LRRC8A: variants seen among roughly 807,000 people sequenced by gnomAD.
LRRC8A encodes the protein volume-regulated anion channel subunit LRRC8A.
In LRRC8A, 24 loss-of-function variants were observed where a neutral mutation model predicts 52.5. That is an observed-to-expected ratio of 0.46 (90% CI 0.33 to 0.64). The LOEUF is 0.64. Among genes scored for constraint, LRRC8A ranks in the 30% least tolerant of loss-of-function variants. The probability of loss-of-function intolerance (pLI) is 0.02; values close to 1 mark genes in which losing one functional copy is unlikely to be tolerated. For synonymous variants in LRRC8A, 492 were observed against 494.2 expected, an observed-to-expected ratio of 1.00 and a Z score of 0.06; for missense variants, 677 against 1,094.7, an observed-to-expected ratio of 0.62 and a Z score of 5.38.
At chr9:128,912,345 C>T (rs895482141) in intron 3 of LRRC8A, among the ~76,000 whole-genome samples, 6 of 152,150 alleles carry the variant, frequency 3.9e-5, no homozygotes, top group Admixed American at 3.9e-4. Context: ...TCTGCTGGAG[C>T]ACCAGGTCCC....
chr9:128,916,034 G>T lies in LRRC8A; in HGVS notation c.2158-62G>T. On this transcript the variant is annotated intron_variant, in intron 3 of 3. Coordinates refer to ENST00000372600, the MANE Select transcript of LRRC8A (RefSeq NM_019594.4). The surrounding 1 kb of genome is among the most constrained non-coding windows in gnomAD (Gnocchi z 6.1). The stretch of plus-strand genomic sequence containing the variant: ...GATCTTGGGGAGAGAGGGAAGGGAA[G>T]CCCAGAGGCCCCGTCCAAGCCCACA... 6.5e-7 allele frequency: 1 copy of T among 1,527,432 alleles called. No homozygotes were observed. The allele number at this position is 1,527,432 out of a possible 1,614,324, so 94.6% of individuals were successfully genotyped here.
rs544896508 is a variant in LRRC8A, at chr9:128,891,976, A to G, written c.-9+5855A>G. Among the ~76,000 whole-genome samples, 9 of 152,282 alleles carry G rather than the reference A, an allele frequency of 5.9e-5. No individual in the cohort carries two copies. In the South Asian group the frequency reaches 1.7e-3, roughly 28 times the overall value. On this transcript the variant is annotated intron_variant, in intron 2 of 3. Coordinates refer to ENST00000372600, the MANE Select transcript of LRRC8A (RefSeq NM_019594.4). ...GACTGATTTAAACTCTACCATAATAATAACAGCAGTGAACGTTCCAGAGCC... is the reference window on the plus strand; with the variant it reads ...GACTGATTTAAACTCTACCATAATAGTAACAGCAGTGAACGTTCCAGAGCC...
chr9:128,893,971 C>A (rs181918479), intron 2 of LRRC8A, among the ~76,000 whole-genome samples: 17 of 151,962 alleles, frequency 1.1e-4, no homozygotes, highest in Admixed American at 9.2e-4. Flanking sequence ...CTGCGCCTCC[C>A]GGGTTCAAGT....
intron 2 of LRRC8A, among the ~76,000 whole-genome samples, chr9:128,890,808 T>G (rs1252389130): frequency 1.3e-5 from 2 of 152,152 alleles, no homozygotes; most frequent in Non-Finnish European, 2.9e-5. Context: ...TCATAACAGG[T>G]TAAGACCTGT....
rs1160345836 is a variant in LRRC8A at position 128,907,981 on chromosome 9, A to G, written c.817A>G (p.Ile273Val). ...CATGCGGCAGACCATCATCAAGGTG[A>G]TCAAGTTCATCCTCATCATCTGCTA... Reference protein sequence around the residue: ...LYMRQTIIKVIKFILIICYTV... With the variant: ...LYMRQTIIKVVKFILIICYTV... The change falls in exon 3 of 4, where the codon ATC becomes GTC. Residue 273 changes from isoleucine (I) to valine (V), a missense_variant. Ile to Val is a conservative substitution (Grantham distance 29, BLOSUM62 3). Around this residue, in one of 4 missense-constraint regions of LRRC8A, gnomAD observed 422 missense variants for 741.5 expected, o/e 0.57. Coordinates refer to ENST00000372600, the MANE Select transcript of LRRC8A (RefSeq NM_019594.4). The surrounding 1 kb of genome is among the most constrained non-coding windows in gnomAD (Gnocchi z 9.3). 6.2e-7 allele frequency: 1 copy of G among 1,614,114 alleles called. No individual in the cohort carries two copies. The highest frequency in any genetic ancestry group is 8.5e-7 in the Non-Finnish European group (1 of 1,180,032).
intron 2 of LRRC8A, among the ~76,000 whole-genome samples, chr9:128,894,190 G>A (rs548787766): frequency 6.6e-6 from 1 of 151,710 alleles, no homozygotes; most frequent in African/African-American, 2.4e-5. Context: ...CATCATTCTT[G>A]TTTTAAAAAA....
At chr9:128,883,551 A>G (rs919961240) in intron 1 of LRRC8A, among the ~76,000 whole-genome samples, 1 of 152,206 alleles carries the variant, frequency 6.6e-6, no homozygotes, top group African/African-American at 2.4e-5. Flanking sequence ...CCTGTGCTGG[A>G]GGAGGCTGTT....
At position 128,911,496 on chromosome 9, in the gene LRRC8A, G is replaced by A. The variant is rs1840526280; in HGVS notation, c.2157+2175G>A. Among the ~76,000 whole-genome samples the A allele has an allele frequency of 1.3e-5, 2 of 152,162 alleles. No individual in the cohort carries two copies. The highest frequency in any genetic ancestry group is 4.8e-5 in the African/African-American group (2 of 41,440). On this transcript the variant is annotated intron_variant, in intron 3 of 3. Coordinates refer to ENST00000372600, the MANE Select transcript of LRRC8A (RefSeq NM_019594.4). The surrounding 1 kb of genome is among the most constrained non-coding windows in gnomAD (Gnocchi z 4.9). ...TTTAATCTGTGGAGGGGGAGACCCT[G>A]TGGCTTCCCCATAGCACAGTGCTGC...
chr9:128,893,471 C>T (rs1456115573), intron 2 of LRRC8A, among the ~76,000 whole-genome samples: 2 of 152,164 alleles, frequency 1.3e-5, no homozygotes, highest in African/African-American at 4.8e-5. Flanking sequence ...CAGTTGAGGA[C>T]ACAGAGGCTC....
In LRRC8A at chr9:128,907,931, A is replaced by C. The variant is rs1840320329; in HGVS notation, c.767A>C (p.Glu256Ala). 6.2e-7 allele frequency: 1 copy of C among 1,613,882 alleles called. No homozygotes were observed. The highest frequency in any genetic ancestry group is 1.3e-5 in the African/African-American group (1 of 74,844). Residue 256 changes from glutamate (E) to alanine (A), a missense_variant, in exon 3 of 4, where the codon GAG becomes GCG. Glu to Ala is a moderately radical substitution (Grantham distance 107). This residue lies in a region of LRRC8A where 422 missense variants were observed against 741.5 expected (regional missense o/e 0.57). Coordinates refer to ENST00000372600, the MANE Select transcript of LRRC8A (RefSeq NM_019594.4). This position sits in a 1 kb window ranked among gnomAD's most constrained non-coding sequence, Gnocchi z 9.3. ...AAGAAGTTCCGGACCCATGTGGAGGAGGGGGACATTGTGTACCGCCTCTAC... is the reference window on the plus strand; with the variant it reads ...AAGAAGTTCCGGACCCATGTGGAGGCGGGGGACATTGTGTACCGCCTCTAC... Reference protein sequence around the residue: ...KVKKFRTHVEEGDIVYRLYMR... With the variant: ...KVKKFRTHVEAGDIVYRLYMR...
chr9:128,887,773 C>G (rs1335423390), intron 2 of LRRC8A, among the ~76,000 whole-genome samples: 1 of 152,232 alleles, frequency 6.6e-6, no homozygotes, highest in South Asian at 2.1e-4. Flanking sequence ...TCCCGAGTAG[C>G]TGGGACTACA....
At chr9:128,913,494 C>T (rs923221287) in intron 3 of LRRC8A, among the ~76,000 whole-genome samples, 1 of 152,132 alleles carries the variant, frequency 6.6e-6, no homozygotes, top group Admixed American at 6.5e-5. Context: ...AGAGAAGGAT[C>T]GGTCCAGAGG....
chr9:128,884,257 G>A (rs553560617), intron 1 of LRRC8A, among the ~76,000 whole-genome samples: 1 of 152,250 alleles, frequency 6.6e-6, no homozygotes, highest in East Asian at 1.9e-4. Context: ...TGACTGCCTC[G>A]TCTTAGAGTA....
At chr9:128,904,695 A>C (rs1564525328) in intron 2 of LRRC8A, among the ~76,000 whole-genome samples, 1 of 152,052 alleles carries the variant, frequency 6.6e-6, no homozygotes, top group Admixed American at 6.6e-5. Flanking sequence ...AAAAAATTTT[A>C]AAAATTAGCC....
At chr9:128,903,919 T>G (rs184064419) in intron 2 of LRRC8A, among the ~76,000 whole-genome samples, 1 of 151,992 alleles carries the variant, frequency 6.6e-6, no homozygotes, top group Non-Finnish European at 1.5e-5. Flanking sequence ...TCCCAGCCAC[T>G]TGGGAGATTG....
intron 2 of LRRC8A, among the ~76,000 whole-genome samples, chr9:128,901,046 G>A (rs904153579): frequency 2.6e-5 from 4 of 152,140 alleles, no homozygotes; most frequent in South Asian, 2.1e-4. Flanking sequence ...GGTGGTGCAC[G>A]CCTGTAATCC....
intron 2 of LRRC8A, among the ~76,000 whole-genome samples, chr9:128,898,741 A>G (rs758617733): frequency 1.3e-5 from 2 of 152,228 alleles, no homozygotes; most frequent in Non-Finnish European, 2.9e-5. Flanking sequence ...CCAACATCAC[A>G]AGTAGCAGAG....
Position 128,908,463 on chromosome 9 carries a change from C to T in LRRC8A, c.1299C>T (p.Phe433=). ...NAQDKLELHL[F]MLSGIPDTVF... ...AGGACAAGCTGGAGCTGCACCTGTT[C>T]ATGCTCAGTGGCATCCCTGACACTG... is the stretch of plus-strand genomic sequence containing the variant. Residue 433 remains phenylalanine, a synonymous_variant, in exon 3 of 4, where the codon TTC becomes TTT. Transcript: ENST00000372600. 1 of 1,613,228 alleles carries T rather than the reference C, an allele frequency of 6.2e-7. No homozygotes were observed. The highest frequency in any genetic ancestry group is 1.7e-5 in the Admixed American group (1 of 60,006).
In LRRC8A at chr9:128,909,282, C is replaced by G. The variant is rs35266233; in HGVS notation, c.2118C>G (p.Leu706=). Residue 706 remains leucine (L), a synonymous_variant, in exon 3 of 4, where the codon CTC becomes CTG. Coordinates refer to ENST00000372600, the MANE Select transcript of LRRC8A (RefSeq NM_019594.4). The part of the protein sequence containing the change: ...NLTFLPADIG[L]LQNLQNLAIT... ...CCTTCCTCCCTGCCGACATCGGCCT[C>G]CTGCAGAACCTCCAGAACCTAGCCA... 0.019 allele frequency: 30,013 copies of G among 1,613,838 alleles called. 354 individuals are homozygous for G. The highest frequency in any genetic ancestry group is 0.021 in the Non-Finnish European group (25,367 of 1,180,036).
Sources: gnomAD v4.1 joint callset for allele counts (sites outside exome capture counted in the v4.1 genomes callset) on GRCh38, gnomAD v4.1.1 for gene constraint, gnomAD v4.1.1 regional missense constraint, Gnocchi (gnomAD v3.1) non-coding constraint, MANE v1.5 for transcripts, NCBI Gene and HGNC (gene_info 2026-07-23, HGNC 2026-07-21) for gene names.